C8orf34: variants seen among roughly 807,000 people sequenced by gnomAD.
The protein encoded by C8orf34 is chromosome 8 open reading frame 34.
In C8orf34, 65 loss-of-function variants were observed where a neutral mutation model predicts 68.3. That is an observed-to-expected ratio of 0.95 (90% CI 0.78 to 1.17). The LOEUF (loss-of-function observed/expected upper bound fraction) is 1.17. Ranked by LOEUF, C8orf34 falls within the 50% of genes most tolerant of loss-of-function variation. The probability of loss-of-function intolerance (pLI) is 0.00; values close to 1 mark genes in which losing one functional copy is unlikely to be tolerated. For synonymous variants in C8orf34, 244 were observed against 241.2 expected, an observed-to-expected ratio of 1.01 and a Z score of -0.11; for missense variants, 664 against 655.4, an observed-to-expected ratio of 1.01 and a Z score of -0.14.
At chr8:68,524,019 T>C (rs975013087) in intron 6 of C8orf34, among the ~76,000 whole-genome samples, 2 of 152,236 alleles carry the variant, frequency 1.3e-5, no homozygotes, top group African/African-American at 4.8e-5. Flanking sequence ...ACGCTAGGCA[T>C]CTGCTAAATA....
intron 11 of C8orf34, among the ~76,000 whole-genome samples, chr8:68,784,479 C>G (rs1823784536): frequency 6.6e-6 from 1 of 152,166 alleles, no homozygotes; most frequent in Non-Finnish European, 1.5e-5. Flanking sequence ...CCCTCCTGAA[C>G]TATTTGAAAG....
In C8orf34 at chr8:68,635,748, C is replaced by T. The variant is rs767319516; in HGVS notation, c.1106-4628C>T. ...TCCTACACAGCACTGTACAGTATGCCTTTGAGCAACTATAAATGTTAAAAG... is the reference window on the plus strand; with the variant it reads ...TCCTACACAGCACTGTACAGTATGCTTTTGAGCAACTATAAATGTTAAAAG... On this transcript the variant is annotated intron_variant, in intron 7 of 13. Coordinates refer to ENST00000518698, the MANE Select transcript of C8orf34 (RefSeq NM_052958.4). Among the ~76,000 whole-genome samples, 4 of 152,112 alleles carry T rather than the reference C, an allele frequency of 2.6e-5. No homozygotes were observed. The East Asian group carries it at 7.7e-4, about 29-fold the overall frequency.
intron 4 of C8orf34, among the ~76,000 whole-genome samples, chr8:68,474,641 A>G (rs139642707): frequency 2.0e-4 from 30 of 152,288 alleles, no homozygotes; most frequent in East Asian, 7.7e-4. Context: ...TACAACGTCA[A>G]TATATTCTCA....
At chr8:68,565,166 C>T (rs1004080642) in intron 7 of C8orf34, among the ~76,000 whole-genome samples, 2 of 152,142 alleles carry the variant, frequency 1.3e-5, no homozygotes, top group Non-Finnish European at 2.9e-5. Context: ...CTTTCTACTT[C>T]GTTCTTTTTT....
intron 10 of C8orf34, among the ~76,000 whole-genome samples, chr8:68,743,401 C>A (rs888367092): frequency 6.6e-6 from 1 of 152,138 alleles, no homozygotes; most frequent in Admixed American, 6.5e-5. Flanking sequence ...TCTACAGCTC[C>A]CAGCATGAGC....
At chr8:68,377,245 A>G (rs1285525511) in intron 1 of C8orf34, among the ~76,000 whole-genome samples, 1 of 152,136 alleles carries the variant, frequency 6.6e-6, no homozygotes, top group African/African-American at 2.4e-5. Context: ...AAATAAAAAA[A>G]ATGAGCTGGA....
chr8:68,721,467 A>G, intron 10 of C8orf34, 30 bp downstream of exon 10: 1 of 1,417,122 alleles, frequency 7.1e-7, no homozygotes, highest in Non-Finnish European at 9.9e-7. Flanking sequence ...TATTTTTTTT[A>G]ATTGCTAAAA....
At chr8:68,571,686 A>G (rs1249616736) in intron 7 of C8orf34, among the ~76,000 whole-genome samples, 1 of 152,192 alleles carries the variant, frequency 6.6e-6, no homozygotes, top group African/African-American at 2.4e-5. Flanking sequence ...GAAAAGTAGG[A>G]AGAAGCATAG....
chr8:68,357,598 G>A (rs936691342), intron 1 of C8orf34, among the ~76,000 whole-genome samples: 30 of 152,088 alleles, frequency 2.0e-4, no homozygotes, highest in African/African-American at 6.5e-4. Flanking sequence ...TATATTTTTG[G>A]ATAAATTTTG....
chr8:68,595,844 A>G (rs1817533700), intron 7 of C8orf34, among the ~76,000 whole-genome samples: 1 of 151,470 alleles, frequency 6.6e-6, no homozygotes, highest in Non-Finnish European at 1.5e-5. Context: ...ATGTGAGGTG[A>G]TTTTTTTTGC....
At chr8:68,367,818 G>T (rs1807351621) in intron 1 of C8orf34, among the ~76,000 whole-genome samples, 2 of 137,252 alleles carry the variant, frequency 1.5e-5, no homozygotes, top group African/African-American at 5.4e-5. Context: ...GTTAGTGGGT[G>T]CAGCGCACCA....
intron 7 of C8orf34, among the ~76,000 whole-genome samples, chr8:68,606,149 G>A (rs1817847237): frequency 6.6e-6 from 1 of 152,054 alleles, no homozygotes. Context: ...ATGGATTGAG[G>A]AAAACCAAAC....
intron 12 of C8orf34, among the ~76,000 whole-genome samples, chr8:68,803,977 G>T (rs939922941): frequency 6.6e-5 from 10 of 152,072 alleles, no homozygotes; most frequent in African/African-American, 2.4e-4. Flanking sequence ...TCTATGTAGA[G>T]AATTTAGTTT....
At position 68,521,930 on chromosome 8, in the gene C8orf34, C is replaced by T; in HGVS notation, c.897C>T (p.Asp299=). ...CTCCAATTCCAAGAAGCAAAAATGA[C>T]CAATGGGAAAGTGAAGATAGTGGCT... ...LQPPIPRSKN[D]QWESEDSGSS... The change falls in exon 6 of 14, where the codon GAC becomes GAT. Residue 299 remains aspartate (D), a synonymous_variant. Transcript: ENST00000518698. The T allele has an allele frequency of 6.2e-7, 1 of 1,613,938 alleles. No homozygotes were observed. Among genetic ancestry groups the T allele is most frequent in the Admixed American group, 1.7e-5 (1 of 60,006 alleles).
At chr8:68,620,029 C>A (rs1272180170) in intron 7 of C8orf34, among the ~76,000 whole-genome samples, 2 of 152,122 alleles carry the variant, frequency 1.3e-5, no homozygotes, top group African/African-American at 4.8e-5. Context: ...ACTCAAAAAC[C>A]TCAGACTGAT....
intron 7 of C8orf34, among the ~76,000 whole-genome samples, chr8:68,636,603 G>C (rs373351920): frequency 6.6e-6 from 1 of 151,748 alleles, no homozygotes; most frequent in Non-Finnish European, 1.5e-5. Flanking sequence ...ATAAATGATT[G>C]TCTGCATGTA....
chr8:68,654,568 A>G (rs1042743441), intron 8 of C8orf34, among the ~76,000 whole-genome samples: 1 of 152,128 alleles, frequency 6.6e-6, no homozygotes, highest in Non-Finnish European at 1.5e-5. Flanking sequence ...TTATAATTTT[A>G]TTGCTTTTTT....
At chr8:68,508,090 A>G (rs1814104024) in intron 5 of C8orf34, among the ~76,000 whole-genome samples, 1 of 152,242 alleles carries the variant, frequency 6.6e-6, no homozygotes, top group Non-Finnish European at 1.5e-5. Flanking sequence ...GTCTGGAAAG[A>G]CCAGAGATAA....
chr8:68,611,656 G>A (rs1344097369), intron 7 of C8orf34, among the ~76,000 whole-genome samples: 1 of 152,114 alleles, frequency 6.6e-6, no homozygotes, highest in Non-Finnish European at 1.5e-5. Context: ...TTATTTTGTA[G>A]TGATATGAAC....
Sources: gnomAD v4.1 joint callset for allele counts (sites outside exome capture counted in the v4.1 genomes callset) on GRCh38, gnomAD v4.1.1 for gene constraint, MANE v1.5 for transcripts, NCBI Gene and HGNC (gene_info 2026-07-23, HGNC 2026-07-21) for gene names.